Variants in SPEF2 observed in about 807,000 individuals in gnomAD.
SPEF2 encodes the protein sperm flagellar and cilia associated 2.
A neutral mutation model predicts 224.6 loss-of-function variants in SPEF2; 187 were observed. The ratio of observed to expected loss-of-function variants is 0.83; its 90% CI spans 0.74 to 0.94. The LOEUF (loss-of-function observed/expected upper bound fraction) is 0.94. Ranked by LOEUF, SPEF2 falls within the 40% of genes least tolerant of loss-of-function variation. The probability of loss-of-function intolerance (pLI) is 0.00; values close to 1 mark genes in which losing one functional copy is unlikely to be tolerated. For missense variants in SPEF2, 2,170 were observed against 2,135.6 expected, an observed-to-expected ratio of 1.02 and a Z score of -0.32; for synonymous variants, 715 against 707.3, an observed-to-expected ratio of 1.01 and a Z score of -0.17.
At chr5:35,788,285 C>A in intron 30 of SPEF2, 2 of 702,840 alleles carry the variant, frequency 2.8e-6, no homozygotes, top group South Asian at 3.0e-5. Context: ...CAAGACCGGA[C>A]GTCCCCTCAA....
chr5:35,684,264 T>C (rs187498569), intron 10 of SPEF2, among the ~76,000 whole-genome samples: 2 of 152,342 alleles, frequency 1.3e-5, no homozygotes, highest in East Asian at 1.9e-4. Context: ...CGTCATGTTC[T>C]GATTTCATCC....
At chr5:35,799,558 C>T (rs1462613167) in intron 33 of SPEF2, among the ~76,000 whole-genome samples, 4 of 152,068 alleles carry the variant, frequency 2.6e-5, no homozygotes, top group Non-Finnish European at 5.9e-5. Context: ...TTTTCTTTCC[C>T]TCCTTTCACT....
At chr5:35,723,031 A>G (rs917867286) in intron 20 of SPEF2, among the ~76,000 whole-genome samples, 1 of 152,126 alleles carries the variant, frequency 6.6e-6, no homozygotes, top group Non-Finnish European at 1.5e-5. Context: ...AACGGAAAAA[A>G]GAGGGAAACA....
intron 15 of SPEF2, 23 bp downstream of exon 15, chr5:35,697,816 T>C: frequency 6.6e-7 from 1 of 1,522,402 alleles, no homozygotes; most frequent in Non-Finnish European, 9.1e-7. Context: ...TTTTTCTTCC[T>C]CTCATCTATT....
At chr5:35,809,456 A>G (rs1424555741) in intron 36 of SPEF2, among the ~76,000 whole-genome samples, 1 of 152,142 alleles carries the variant, frequency 6.6e-6, no homozygotes, top group Non-Finnish European at 1.5e-5. Flanking sequence ...CTTGAACGAT[A>G]GCCAGGGTTT....
chr5:35,674,975 AG>A (rs1406738538), intron 10 of SPEF2, among the ~76,000 whole-genome samples: 2 of 152,180 alleles, frequency 1.3e-5, no homozygotes, highest in African/African-American at 4.8e-5. Context: ...TTGACTATGA[AG>A]ATGCTTCTAC....
chr5:35,674,190 G>T (rs966765664), intron 10 of SPEF2, among the ~76,000 whole-genome samples: 2 of 152,046 alleles, frequency 1.3e-5, no homozygotes, highest in Non-Finnish European at 1.5e-5. Context: ...ATTTTTCATA[G>T]TTCTGGAGAC....
At chr5:35,728,432 C>T (rs1266249275) in intron 21 of SPEF2, among the ~76,000 whole-genome samples, 2 of 152,168 alleles carry the variant, frequency 1.3e-5, no homozygotes, top group Non-Finnish European at 2.9e-5. Context: ...ACAGAATGGT[C>T]CTTCCTTTGA....
Position 35,740,016 on chromosome 5 carries a change from A to C in SPEF2, c.3161A>C (p.His1054Pro), listed in dbSNP as rs1447360687. The change falls in exon 22 of 37, where the codon CAT becomes CCT. Residue 1054 changes from histidine (H) to proline (P), a missense_variant. Coordinates refer to ENST00000356031, the MANE Select transcript of SPEF2 (RefSeq NM_024867.4). ...CTCAGGCATCTGAGGGAAGACCAGC[A>C]TACTGTGCTTGCTTACTTATATGAG... Reference protein sequence around the residue: ...TVLRHLREDQHTVLAYLYEIR... With the variant: ...TVLRHLREDQPTVLAYLYEIR... 2 of 1,614,070 alleles carry C rather than the reference A, an allele frequency of 1.2e-6. No individual in the cohort carries two copies. Among genetic ancestry groups the C allele is most frequent in the Non-Finnish European group, 1.7e-6 (2 of 1,180,024 alleles).
chr5:35,687,845 T>C (rs1753865910), intron 10 of SPEF2, among the ~76,000 whole-genome samples: 1 of 152,228 alleles, frequency 6.6e-6, no homozygotes, highest in African/African-American at 2.4e-5. Flanking sequence ...ATTTTGAAGC[T>C]TTCTATATAC....
chr5:35,806,647 G>A (rs1758098546), intron 34 of SPEF2, 60 bp from the exon 35 acceptor site: 1 of 1,560,298 alleles, frequency 6.4e-7, no homozygotes, highest in African/African-American at 1.4e-5. Context: ...TATTCTAAAA[G>A]TCTCCATTGG....
intron 10 of SPEF2, among the ~76,000 whole-genome samples, chr5:35,674,368 A>C (rs1751595736): frequency 1.4e-5 from 2 of 138,526 alleles, no homozygotes; most frequent in African/African-American, 2.7e-5. Flanking sequence ...GGTGTTTCCA[A>C]ATTCTTTTTA....
At chr5:35,762,110 TTAA>T (rs1280053825) in intron 25 of SPEF2, among the ~76,000 whole-genome samples, 1 of 152,196 alleles carries the variant, frequency 6.6e-6, no homozygotes, top group Non-Finnish European at 1.5e-5. Flanking sequence ...TAACTCTTAG[TTAA>T]TAATGAATAC....
At chr5:35,709,218 C>A in intron 19 of SPEF2, 97 bp downstream of exon 19, 1 of 1,540,544 alleles carries the variant, frequency 6.5e-7, no homozygotes. Flanking sequence ...AGACTTTGGG[C>A]AACTTCAATC....
chr5:35,761,021 TA>T (rs926504075), intron 25 of SPEF2, among the ~76,000 whole-genome samples: 1 of 152,012 alleles, frequency 6.6e-6, no homozygotes. Context: ...AAGTCAAGTT[TA>T]AAAAAATAAT....
chr5:35,661,261 TA>T (rs1170398840), intron 8 of SPEF2, among the ~76,000 whole-genome samples: 1 of 9,512 alleles, frequency 1.1e-4, no homozygotes, highest in African/African-American at 8.7e-4. Flanking sequence ...ATATTATATA[TA>T]TATATATATA....
chr5:35,712,954 G>C (rs898283927), intron 20 of SPEF2, 68 bp downstream of exon 20: 5 of 1,411,322 alleles, frequency 3.5e-6, no homozygotes, highest in East Asian at 2.4e-5. Flanking sequence ...AGTGAAAATA[G>C]CTAGATTTGT....
intron 2 of SPEF2, among the ~76,000 whole-genome samples, chr5:35,630,569 G>A (rs369563905): frequency 1.4e-4 from 21 of 152,238 alleles, no homozygotes; most frequent in East Asian, 7.7e-4. Context: ...GGTGGCGGGC[G>A]TCTGTAGTCC....
intron 8 of SPEF2, among the ~76,000 whole-genome samples, chr5:35,661,966 G>A (rs949959820): frequency 2.0e-5 from 3 of 152,044 alleles, no homozygotes; most frequent in African/African-American, 7.2e-5. Context: ...TGGGTTGAGT[G>A]GTATTTCTGC....
Sources: gnomAD v4.1 joint callset for allele counts (sites outside exome capture counted in the v4.1 genomes callset) on GRCh38, gnomAD v4.1.1 for gene constraint, MANE v1.5 for transcripts, NCBI Gene and HGNC (gene_info 2026-07-23, HGNC 2026-07-21) for gene names.